Variants in LRMDA observed in about 807,000 individuals in gnomAD.
LRMDA encodes the protein leucine rich melanocyte differentiation associated.
LRMDA carries 18 observed loss-of-function variants against 29.8 expected under a neutral mutation model. The ratio of observed to expected loss-of-function variants is 0.60; its 90% CI spans 0.42 to 0.90. The LOEUF (loss-of-function observed/expected upper bound fraction) is 0.90. LRMDA is among the 40% of genes least tolerant of loss of function. LRMDA has a pLI of 0.00. For synonymous variants in LRMDA, 125 were observed against 109.4 expected (o/e 1.14, Z -0.89); for missense variants, 273 against 273.9 (o/e 1.00, Z 0.02).
At chr10:76,471,991 A>G (rs2132317723) in intron 6 of LRMDA, among the ~76,000 whole-genome samples, 1 of 151,890 alleles carries the variant, frequency 6.6e-6, no homozygotes, top group South Asian at 2.1e-4. Context: ...GTAGTGTTCA[A>G]TACCCCACTC....
chr10:76,468,022 C>T (rs903042461), intron 6 of LRMDA, among the ~76,000 whole-genome samples: 1 of 152,182 alleles, frequency 6.6e-6, no homozygotes, highest in Non-Finnish European at 1.5e-5. Context: ...TAACTTTATA[C>T]TGAATCTCCA....
chr10:76,374,671 T>G (rs1461945665), intron 6 of LRMDA, among the ~76,000 whole-genome samples: 1 of 152,208 alleles, frequency 6.6e-6, no homozygotes. Flanking sequence ...TTTCTGAAAC[T>G]GATTAAAATT....
At chr10:75,590,210 G>A (rs1462011638) in intron 2 of LRMDA, among the ~76,000 whole-genome samples, 1 of 151,792 alleles carries the variant, frequency 6.6e-6, no homozygotes, top group African/African-American at 2.4e-5. Flanking sequence ...TATAGGTGGG[G>A]GTCTCACTAA....
intron 2 of LRMDA, among the ~76,000 whole-genome samples, chr10:75,947,348 C>A (rs1846494107): frequency 6.6e-6 from 1 of 152,292 alleles, no homozygotes; most frequent in Admixed American, 6.5e-5. Flanking sequence ...GCTGAGATCA[C>A]AGGTCAGAGG....
chr10:76,363,524 C>G (rs1841355090), intron 6 of LRMDA, among the ~76,000 whole-genome samples: 4 of 152,048 alleles, frequency 2.6e-5, no homozygotes, highest in Admixed American at 6.6e-5. Flanking sequence ...AAACTTAAGA[C>G]AGCCACAAGT....
chr10:76,108,097 A>T (rs1048756462), intron 5 of LRMDA, among the ~76,000 whole-genome samples: 4 of 152,358 alleles, frequency 2.6e-5, no homozygotes, highest in Non-Finnish European at 2.9e-5. Context: ...AAATGGAAAT[A>T]TGGAAGATTT....
At chr10:76,335,372 A>T (rs1387190608) in intron 6 of LRMDA, among the ~76,000 whole-genome samples, 2 of 152,214 alleles carry the variant, frequency 1.3e-5, no homozygotes, top group Non-Finnish European at 2.9e-5. Context: ...TGTTGCACAG[A>T]ATACAAGGGA....
At chr10:75,452,325 G>A (rs1369051741) in intron 2 of LRMDA, among the ~76,000 whole-genome samples, 1 of 152,110 alleles carries the variant, frequency 6.6e-6, no homozygotes, top group Non-Finnish European at 1.5e-5. Flanking sequence ...TTTATCGCGC[G>A]TCTCTGTTCT....
At chr10:75,664,185 C>G (rs542686223) in intron 2 of LRMDA, among the ~76,000 whole-genome samples, 14 of 152,322 alleles carry the variant, frequency 9.2e-5, no homozygotes, top group Admixed American at 5.2e-4. Flanking sequence ...GCTCCTCTTT[C>G]TCAACCAGTC....
At chr10:75,736,653 C>T (rs988291095) in intron 2 of LRMDA, among the ~76,000 whole-genome samples, 4 of 152,164 alleles carry the variant, frequency 2.6e-5, no homozygotes, top group African/African-American at 9.7e-5. Context: ...TTTACAGAAA[C>T]AAAGACCTTT....
chr10:75,585,357 C>T (rs771939339), intron 2 of LRMDA, among the ~76,000 whole-genome samples: 2 of 152,164 alleles, frequency 1.3e-5, no homozygotes, highest in Admixed American at 6.5e-5. Context: ...TATACAGTGT[C>T]CCATTGTTTG....
chr10:76,232,685 TC>T (rs1324220349), intron 5 of LRMDA, among the ~76,000 whole-genome samples: 2 of 152,186 alleles, frequency 1.3e-5, no homozygotes, highest in Non-Finnish European at 2.9e-5. Context: ...ACACACTGGT[TC>T]CCGAGTTCTT....
rs1339070623 is a variant in LRMDA, at chr10:76,190,670, A to G, written c.516+131887A>G. 2.0e-5 allele frequency among the ~76,000 whole-genome samples: 3 copies of G among 152,212 alleles called. 1 individual carries two copies. Among genetic ancestry groups the G allele is most frequent in the Admixed American group, 6.5e-5 (1 of 15,278 alleles). The stretch of plus-strand genomic sequence containing the variant: ...CAGATCTGAATGTTGGTGGCAATAT[A>G]GAAATGCATTGAAGTGTTTCTAACA... On this transcript the variant is annotated intron_variant, in intron 5 of 6. Transcript: ENST00000611255.
chr10:76,122,445 G>C, intron 5 of LRMDA, among the ~76,000 whole-genome samples: 1 of 152,076 alleles, frequency 6.6e-6, no homozygotes, highest in East Asian at 1.9e-4. Context: ...CCTGCCACAT[G>C]ATGGTCGTGT....
intron 6 of LRMDA, among the ~76,000 whole-genome samples, chr10:76,478,935 T>G (rs1842707983): frequency 6.6e-6 from 1 of 151,200 alleles, no homozygotes; most frequent in Non-Finnish European, 1.5e-5. Context: ...CATTAGGAGA[T>G]ATACCTAATG....
At position 76,047,146 on chromosome 10, in the gene LRMDA, A is replaced by T; in HGVS notation, c.259-18A>T. The T allele has an allele frequency of 6.2e-7, 1 of 1,613,654 alleles. No individual in the cohort carries two copies. Among genetic ancestry groups the T allele is most frequent in the Non-Finnish European group, 8.5e-7 (1 of 1,179,786 alleles). ...AAGCCTTTTGTCTTACTGGACCAAG[A>T]TTCTTAACCTTTGTCACATCACTGA... On this transcript the variant is annotated intron_variant, in intron 3 of 6. Coordinates refer to ENST00000611255, the MANE Select transcript of LRMDA (RefSeq NM_001305581.2).
chr10:76,245,340 A>C (rs1852355146), intron 5 of LRMDA, among the ~76,000 whole-genome samples: 1 of 152,054 alleles, frequency 6.6e-6, no homozygotes, highest in Non-Finnish European at 1.5e-5. Context: ...AGTGCCTGGG[A>C]ATAAGTAGGC....
chr10:75,607,480 T>C (rs1840970634), intron 2 of LRMDA, among the ~76,000 whole-genome samples: 2 of 152,228 alleles, frequency 1.3e-5, no homozygotes, highest in Admixed American at 6.5e-5. Flanking sequence ...TGAACTATAT[T>C]TTTCTATTGA....
chr10:75,988,094 G>T (rs576243909), intron 2 of LRMDA, among the ~76,000 whole-genome samples: 8 of 152,218 alleles, frequency 5.3e-5, no homozygotes, highest in Non-Finnish European at 1.2e-4. Flanking sequence ...CAGGAGGCAC[G>T]ATAGCTCCTC....
Sources: allele counts gnomAD v4.1 joint callset (sites outside exome capture counted in the v4.1 genomes callset), GRCh38; gene constraint gnomAD v4.1.1; transcripts MANE v1.5; gene names NCBI Gene and HGNC (gene_info 2026-07-23, HGNC 2026-07-21).